The following GABRB3 variants were observed in gnomAD, a reference collection of about 807,000 sequenced individuals.
GABRB3 encodes gamma-aminobutyric acid type A receptor subunit beta3.
In GABRB3, 14 loss-of-function variants were observed where a neutral mutation model predicts 52.1. The observed-to-expected ratio is 0.27, with a 90% CI of 0.18 to 0.42. The LOEUF is 0.42. Among genes scored for constraint, GABRB3 ranks in the 10% least tolerant of loss-of-function variants. GABRB3 has a pLI of 1.00. For missense variants in GABRB3, 307 were observed against 609.1 expected (o/e 0.50, Z 5.22); for synonymous variants, 260 against 232.3 (o/e 1.12, Z -1.08).
At chr15:26,772,274 G>T in intron 3 of GABRB3, 128 bp downstream of exon 3, 1 of 765,986 alleles carries the variant, frequency 1.3e-6, no homozygotes, top group African/African-American at 1.9e-5. Flanking sequence ...CTGGGAGCGC[G>T]GCTCCCTCTG....
rs115581767 is a variant in GABRB3, at chr15:26,696,928, C to A, written c.241-75394G>T. Reference sequence around the variant, plus strand: ...TTGCAATATTGCACCCCGACAATGGCCAACATGCAGTGAATTTAAGGGAAT... The same window carrying A: ...TTGCAATATTGCACCCCGACAATGGACAACATGCAGTGAATTTAAGGGAAT... On this transcript the variant is annotated intron_variant, in intron 3 of 8. Coordinates refer to ENST00000311550, the MANE Select transcript of GABRB3 (RefSeq NM_000814.6). 4.9e-3 allele frequency among the ~76,000 whole-genome samples: 740 copies of A among 152,284 alleles called. 2 individuals carry two copies. The highest frequency in any genetic ancestry group is 0.017 in the African/African-American group (699 of 41,556).
chr15:26,691,357 C>A (rs1318170430), intron 3 of GABRB3, among the ~76,000 whole-genome samples: 1 of 152,114 alleles, frequency 6.6e-6, no homozygotes, highest in African/African-American at 2.4e-5. Flanking sequence ...AAAAAAGAAG[C>A]CTGAACAATA....
chr15:26,744,427 GA>G (rs11351268), intron 3 of GABRB3, among the ~76,000 whole-genome samples: 95,791 of 151,322 alleles, frequency 0.63, 30,676 homozygotes, highest in East Asian at 0.87. Flanking sequence ...AACAATAACA[GA>G]AAACTTTTTT....
intron 3 of GABRB3, among the ~76,000 whole-genome samples, chr15:26,646,750 T>C (rs527394999): frequency 1.5e-4 from 23 of 152,294 alleles, no homozygotes; most frequent in African/African-American, 5.3e-4. Flanking sequence ...CTAGCTGGAA[T>C]TAAGTGGTAT....
At chr15:26,692,877 C>T (rs542193385) in intron 3 of GABRB3, among the ~76,000 whole-genome samples, 1 of 152,234 alleles carries the variant, frequency 6.6e-6, no homozygotes, top group South Asian at 2.1e-4. Context: ...CTAATGTTTC[C>T]AATTTTGAGA....
At chr15:26,606,828 A>ATATTGATAGATAGATAGATAGATG (rs1367622796) in intron 4 of GABRB3, among the ~76,000 whole-genome samples, 2 of 150,822 alleles carry the variant, frequency 1.3e-5, no homozygotes, top group Admixed American at 6.6e-5. Flanking sequence ...ATAGATAGAT[A>ATATTGATAGATAGATAGATAGATG]GATAGATAGA....
At chr15:26,585,550 A>G (rs1890952212) in intron 4 of GABRB3, among the ~76,000 whole-genome samples, 1 of 152,228 alleles carries the variant, frequency 6.6e-6, no homozygotes, top group South Asian at 2.1e-4. Context: ...GCAACATTCT[A>G]CTTTCCAAAG....
chr15:26,734,023 C>CTTTTT (rs61468831), intron 3 of GABRB3, among the ~76,000 whole-genome samples: 3 of 73,390 alleles, frequency 4.1e-5, no homozygotes, highest in Non-Finnish European at 7.8e-5. Flanking sequence ...AACTATAGGG[C>CTTTTT]TTTTTTTTTT....
chr15:26,742,407 T>G (rs1890232639), intron 3 of GABRB3, among the ~76,000 whole-genome samples: 3 of 150,500 alleles, frequency 2.0e-5, no homozygotes, highest in Admixed American at 2.0e-4. Flanking sequence ...CCTCTCCTAC[T>G]CTAGGATTAT....
chr15:26,707,665 G>T lies in GABRB3; in HGVS notation c.240+64737C>A, dbSNP rs540956428. On this transcript the variant is annotated intron_variant, in intron 3 of 8. Transcript: ENST00000311550. ...ATTTCCTAGCTGCAGAGGTAATTAG[G>T]GTTCACTGCCCCAGGCTAAGTTGTC... Among the ~76,000 whole-genome samples the T allele has an allele frequency of 2.6e-5, 4 of 152,268 alleles. No individual in the cohort carries two copies. The East Asian group carries it at 5.8e-4, about 22-fold the overall frequency.
Position 26,550,797 on chromosome 15 carries a change from CTGTACCTGCACG to C in GABRB3, c.1081-2675_1081-2664del, listed in dbSNP as rs1263420811. Among the ~76,000 whole-genome samples, 11 of 152,338 alleles carry C rather than the reference CTGTACCTGCACG, an allele frequency of 7.2e-5. 1 individual carries two copies. The East Asian group carries it at 1.2e-3, about 16-fold the overall frequency. ...AAGGGAAGGACCCAGCCAAGTCTCA[CTGTACCTGCACG>C]TGTGGCCTAACAGAATCATGAGATA... On this transcript the variant is annotated intron_variant, in intron 8 of 8. Coordinates refer to ENST00000311550, the MANE Select transcript of GABRB3 (RefSeq NM_000814.6).
intron 3 of GABRB3, among the ~76,000 whole-genome samples, chr15:26,640,504 G>A (rs981214744): frequency 4.6e-5 from 7 of 152,002 alleles, no homozygotes; most frequent in Non-Finnish European, 4.4e-5. Context: ...GCGACAGAGC[G>A]AGACTCCGTC....
At chr15:26,548,252 T>C (rs1889334730) in intron 8 of GABRB3, 118 bp from the exon 9 acceptor site, 3 of 838,148 alleles carry the variant, frequency 3.6e-6, no homozygotes, top group East Asian at 2.5e-5. Context: ...AAACTGTACA[T>C]CTGTCAAATC....
At chr15:26,739,354 G>C (rs906493280) in intron 3 of GABRB3, among the ~76,000 whole-genome samples, 1 of 151,972 alleles carries the variant, frequency 6.6e-6, no homozygotes, top group Non-Finnish European at 1.5e-5. Context: ...CGAGTAGAAG[G>C]AATAGTTAAC....
At position 26,546,193 on chromosome 15, in the gene GABRB3, A is replaced by T. The variant is rs1316366162; in HGVS notation, c.*1600T>A. 1.3e-5 allele frequency: 2 copies of T among 152,446 alleles called. No individual in the cohort carries two copies. The highest frequency in any genetic ancestry group is 3.9e-4 in the East Asian group (2 of 5,186). The allele number at this position is 152,446 out of a possible 1,614,324, so 9.4% of individuals were successfully genotyped here. ...GTTCTTCCTGCAAATTTTGCTTTTT[A>T]TTTTTTTCTCCAAATGCTCAACTTC... On this transcript the variant is annotated 3_prime_UTR_variant, in exon 9 of 9. Coordinates refer to ENST00000311550, the MANE Select transcript of GABRB3 (RefSeq NM_000814.6).
chr15:26,671,520 G>T (rs186802872), intron 3 of GABRB3, among the ~76,000 whole-genome samples: 1 of 152,168 alleles, frequency 6.6e-6, no homozygotes, highest in African/African-American at 2.4e-5. Flanking sequence ...AGGGCTTCCC[G>T]TTTCGAGAGT....
At chr15:26,760,727 G>A (rs898206305) in intron 3 of GABRB3, among the ~76,000 whole-genome samples, 1 of 151,376 alleles carries the variant, frequency 6.6e-6, no homozygotes, top group African/African-American at 2.4e-5. Flanking sequence ...ACATAGATAA[G>A]CACTGTATTT....
At chr15:26,639,124 G>A (rs1893131100) in intron 3 of GABRB3, among the ~76,000 whole-genome samples, 1 of 152,158 alleles carries the variant, frequency 6.6e-6, no homozygotes, top group African/African-American at 2.4e-5. Context: ...GGCAGCACAG[G>A]TGTCTGAGGA....
At chr15:26,591,316 G>A (rs1488523803) in intron 4 of GABRB3, among the ~76,000 whole-genome samples, 1 of 152,132 alleles carries the variant, frequency 6.6e-6, no homozygotes, top group Non-Finnish European at 1.5e-5. Flanking sequence ...CGCTACGTAG[G>A]GATCACAACC....
Sources: allele counts gnomAD v4.1 joint callset (sites outside exome capture counted in the v4.1 genomes callset), GRCh38; gene constraint gnomAD v4.1.1; transcripts MANE v1.5; gene names NCBI Gene and HGNC (gene_info 2026-07-23, HGNC 2026-07-21).